The following ADAM23 variants were observed in gnomAD, a reference collection of about 807,000 sequenced individuals.
The protein encoded by ADAM23 is ADAM metallopeptidase domain 23, also known as disintegrin and metalloproteinase domain-containing protein 23.
Under a neutral mutation model 120.1 loss-of-function variants are expected in ADAM23, and 33 were observed. The observed-to-expected ratio is 0.27, with a 90% CI of 0.21 to 0.37. The LOEUF (loss-of-function observed/expected upper bound fraction) is 0.37, where lower values mean the gene tolerates loss of function less well. ADAM23 is among the 10% of genes least tolerant of loss of function. The pLI, the probability that ADAM23 is intolerant of heterozygous loss-of-function variation, is 1.00. For missense variants in ADAM23, 862 were observed against 1,058.2 expected (o/e 0.81, Z 2.57); for synonymous variants, 367 against 375.2 (o/e 0.98, Z 0.25).
intron 18 of ADAM23, among the ~76,000 whole-genome samples, chr2:206,579,499 C>T (rs1304107792): frequency 6.6e-6 from 1 of 152,142 alleles, no homozygotes; most frequent in Non-Finnish European, 1.5e-5. Flanking sequence ...GTGTCCTTTT[C>T]CCCACTTTAT....
rs150120822 is a variant in ADAM23, at chr2:206,596,142, C to G, written c.2339C>G (p.Pro780Arg). 67 of 1,613,898 alleles carry G rather than the reference C, an allele frequency of 4.2e-5. 2 individuals are homozygous for G. The highest frequency in any genetic ancestry group is 3.5e-4 in the South Asian group (32 of 91,046). Residue 780 changes from proline to arginine, a missense_variant, in exon 24 of 26, where the codon CCC becomes CGC. Physicochemically the swap from Pro to Arg is moderately radical, Grantham distance 103 (BLOSUM62 -2). Around this residue, in one of 4 missense-constraint regions of ADAM23, gnomAD observed 617 missense variants for 813.5 expected, o/e 0.76. Coordinates refer to ENST00000264377, the MANE Select transcript of ADAM23 (RefSeq NM_003812.4). ...IRDPVRNLHP[P>R]KDEGPKGPSA... Reference sequence around the variant, plus strand: ...GATCCAGTTAGGAACCTTCACCCCCCCAAGGATGAAGGACCCAAGGGTTTG... The same window carrying G: ...GATCCAGTTAGGAACCTTCACCCCCGCAAGGATGAAGGACCCAAGGGTTTG...
At chr2:206,556,948 C>A (rs573046926) in intron 9 of ADAM23, among the ~76,000 whole-genome samples, 1 of 152,234 alleles carries the variant, frequency 6.6e-6, no homozygotes, top group African/African-American at 2.4e-5. Flanking sequence ...GTATAAGCTA[C>A]AAAATGTCAT....
Position 206,443,719 on chromosome 2 carries a change from C to T in ADAM23, c.-148C>T. ...AGGGGGCGCCGCCCAGCCCCGAGCCCCGCGCCCCGTGCCCCGAGCCCGGAG... is the reference window on the plus strand; with the variant it reads ...AGGGGGCGCCGCCCAGCCCCGAGCCTCGCGCCCCGTGCCCCGAGCCCGGAG... On this transcript the variant is annotated 5_prime_UTR_variant, in exon 1 of 26. Transcript: ENST00000264377. 4.3e-6 allele frequency: 1 copy of T among 231,266 alleles called. No homozygotes were observed. The highest frequency in any genetic ancestry group is 7.0e-6 in the Non-Finnish European group (1 of 142,132). The allele number at this position is 231,266 out of a possible 1,614,324, so 14.3% of individuals were successfully genotyped here.
intron 6 of ADAM23, among the ~76,000 whole-genome samples, chr2:206,544,713 C>T (rs80254904): frequency 0.019 from 2,904 of 151,292 alleles, 50 homozygotes; most frequent in East Asian, 0.089. Flanking sequence ...GCTGGGTTCA[C>T]GCCATTCTCC....
chr2:206,538,699 A>G (rs1333586085), intron 4 of ADAM23, among the ~76,000 whole-genome samples: 1 of 152,236 alleles, frequency 6.6e-6, no homozygotes, highest in Admixed American at 6.5e-5. Flanking sequence ...TAAAAACCAA[A>G]TTAAAACTAT....
At chr2:206,477,897 A>AAAAAAAAAAAAAATATATATATATATAT (rs374524658) in intron 2 of ADAM23, among the ~76,000 whole-genome samples, 9 of 93,566 alleles carry the variant, frequency 9.6e-5, no homozygotes, top group African/African-American at 4.1e-4. Context: ...AAAAAAAAAA[A>AAAAAAAAAAAAAATATATATATATATAT]ATATATATAT....
At chr2:206,551,237 GCTGATT>G (rs1377768284) in intron 9 of ADAM23, among the ~76,000 whole-genome samples, 1 of 152,004 alleles carries the variant, frequency 6.6e-6, no homozygotes, top group African/African-American at 2.4e-5. Context: ...TGCCACCATA[GCTGATT>G]TCAAGCTATC....
chr2:206,485,783 C>T (rs1343484790), intron 3 of ADAM23, among the ~76,000 whole-genome samples: 1 of 152,138 alleles, frequency 6.6e-6, no homozygotes, highest in African/African-American at 2.4e-5. Context: ...TGGGCCACCA[C>T]ATAAAGACAT....
chr2:206,604,094 G>A (rs1698688748), intron 24 of ADAM23, among the ~76,000 whole-genome samples: 1 of 151,952 alleles, frequency 6.6e-6, no homozygotes, highest in Admixed American at 6.6e-5. Flanking sequence ...GTGAAACCCT[G>A]TCTCTAACTA....
At chr2:206,567,073 G>C (rs1697899165) in intron 14 of ADAM23, 150 bp from the exon 15 acceptor site, 2 of 607,398 alleles carry the variant, frequency 3.3e-6, no homozygotes, top group Non-Finnish European at 5.7e-6. Flanking sequence ...GTACTTAAGT[G>C]GCAATTTGAA....
rs76263406 is a variant in ADAM23, at chr2:206,611,519, A to T, written c.2450+1519A>T. Among the ~76,000 whole-genome samples, 1,118 of 152,294 alleles carry T rather than the reference A, an allele frequency of 7.3e-3. 19 individuals are homozygous for T. The highest frequency in any genetic ancestry group is 0.026 in the African/African-American group (1,066 of 41,552). ...TTATTATTTTATAATGCTTCCTTGA[A>T]CTTTTTCATTAGTATGCCTCAAGAA... is the stretch of plus-strand genomic sequence containing the variant. On this transcript the variant is annotated intron_variant, in intron 25 of 25. Coordinates refer to ENST00000264377, the MANE Select transcript of ADAM23 (RefSeq NM_003812.4).
At chr2:206,590,821 C>T (rs149047964) in intron 21 of ADAM23, among the ~76,000 whole-genome samples, 2 of 152,178 alleles carry the variant, frequency 1.3e-5, no homozygotes, top group African/African-American at 2.4e-5. Flanking sequence ...CTGAAGTAGT[C>T]AAAATCCATG....
intron 3 of ADAM23, among the ~76,000 whole-genome samples, chr2:206,503,484 A>G (rs1696432771): frequency 6.6e-6 from 1 of 152,136 alleles, no homozygotes; most frequent in Non-Finnish European, 1.5e-5. Context: ...ATAGTGTGGT[A>G]TGGTAGATGT....
chr2:206,589,152 GT>G (rs1698380598), intron 20 of ADAM23, among the ~76,000 whole-genome samples: 1 of 152,154 alleles, frequency 6.6e-6, no homozygotes, highest in Admixed American at 6.6e-5. Flanking sequence ...AAACAGTGTT[GT>G]TTTGGAGCTT....
intron 2 of ADAM23, among the ~76,000 whole-genome samples, chr2:206,461,528 T>C (rs1695419518): frequency 6.6e-6 from 1 of 151,966 alleles, no homozygotes; most frequent in African/African-American, 2.4e-5. Flanking sequence ...AATAAGGAGG[T>C]TGGGTTAGAT....
chr2:206,500,633 G>A (rs2105893284), intron 3 of ADAM23, among the ~76,000 whole-genome samples: 1 of 152,280 alleles, frequency 6.6e-6, no homozygotes, highest in Middle Eastern at 3.4e-3. Context: ...CTGAGGGTTA[G>A]TCTTGTCCTT....
chr2:206,470,991 GA>G (rs907666861), intron 2 of ADAM23, among the ~76,000 whole-genome samples: 1 of 152,186 alleles, frequency 6.6e-6, no homozygotes, highest in African/African-American at 2.4e-5. Flanking sequence ...AGCAGAGCCT[GA>G]AAAATTCTGC....
intron 2 of ADAM23, among the ~76,000 whole-genome samples, chr2:206,463,301 G>A (rs1454154240): frequency 1.3e-5 from 2 of 152,204 alleles, no homozygotes; most frequent in East Asian, 3.9e-4. Context: ...GAGATGTAAT[G>A]TTGGAAACAG....
chr2:206,471,639 A>G (rs575999120), intron 2 of ADAM23, among the ~76,000 whole-genome samples: 27 of 152,300 alleles, frequency 1.8e-4, no homozygotes, highest in South Asian at 4.1e-4. Flanking sequence ...TGGGTGTTCA[A>G]TAATTCTGGC....
Sources: allele counts gnomAD v4.1 joint callset (sites outside exome capture counted in the v4.1 genomes callset), GRCh38; gene constraint gnomAD v4.1.1; regional missense constraint gnomAD v4.1.1; transcripts MANE v1.5; gene names NCBI Gene and HGNC (gene_info 2026-07-23, HGNC 2026-07-21).